The following IL10RB variants were observed in gnomAD, a reference collection of about 807,000 sequenced individuals.
IL10RB encodes interleukin 10 receptor subunit beta.
Under a neutral mutation model 38.7 loss-of-function variants are expected in IL10RB, and 30 were observed. The observed-to-expected ratio is 0.78, with a 90% CI of 0.58 to 1.05. The LOEUF is 1.05. Among genes scored for constraint, IL10RB ranks in the 50% least tolerant of loss-of-function variants. IL10RB has a pLI of 0.00. For synonymous variants in IL10RB, 142 were observed against 145.9 expected (o/e 0.97, Z 0.19); for missense variants, 328 against 397.1 (o/e 0.83, Z 1.48).
chr21:33,276,543 A>T, intron 2 of IL10RB, 53 bp from the exon 3 acceptor site: 2 of 1,464,174 alleles, frequency 1.4e-6, no homozygotes, highest in South Asian at 1.1e-5. Flanking sequence ...AGTCAGCCTC[A>T]GGGAGACTGA....
Position 33,296,593 on chromosome 21 carries a change from G to A in IL10RB, c.*236G>A. ...AAAGGCTTTCATGATGTTTTCAGAA[G>A]TTGGCCACTGAGAGTGTAATTTTCA... On this transcript the variant is annotated 3_prime_UTR_variant, in exon 7 of 7. Coordinates refer to ENST00000290200, the MANE Select transcript of IL10RB (RefSeq NM_000628.5). 1 of 658,338 alleles carries A rather than the reference G, an allele frequency of 1.5e-6. No homozygotes were observed. The highest frequency in any genetic ancestry group is 2.1e-5 in the Admixed American group (1 of 48,554). The allele number at this position is 658,338 out of a possible 1,614,324, so 40.8% of individuals were successfully genotyped here.
chr21:33,289,296 G>A (rs1989438144), intron 6 of IL10RB, among the ~76,000 whole-genome samples: 1 of 152,210 alleles, frequency 6.6e-6, no homozygotes, highest in South Asian at 2.1e-4. Context: ...TGGATCTACT[G>A]GAAGCAGCTC....
intron 5 of IL10RB, among the ~76,000 whole-genome samples, chr21:33,284,440 T>C (rs1238011568): frequency 6.6e-6 from 1 of 152,228 alleles, no homozygotes; most frequent in Non-Finnish European, 1.5e-5. Context: ...ACCATTTTCA[T>C]TTTTTCTTAA....
chr21:33,285,355 C>T (rs1989353667), intron 5 of IL10RB, among the ~76,000 whole-genome samples: 1 of 152,178 alleles, frequency 6.6e-6, no homozygotes, highest in Non-Finnish European at 1.5e-5. Flanking sequence ...TAGATTAATT[C>T]CATAGGTAAA....
chr21:33,288,049 G>A, intron 5 of IL10RB, 55 bp from the exon 6 acceptor site: 2 of 1,533,056 alleles, frequency 1.3e-6, no homozygotes, highest in South Asian at 1.1e-5. Context: ...ATGCTCTTGG[G>A]ATCACTGTGA....
chr21:33,289,117 G>A (rs8178530), intron 6 of IL10RB, among the ~76,000 whole-genome samples: 7,463 of 152,288 alleles, frequency 0.049, 588 homozygotes, highest in African/African-American at 0.17. Flanking sequence ...GAGGCAAGAG[G>A]GATGGGCGTG....
intron 2 of IL10RB, among the ~76,000 whole-genome samples, chr21:33,274,420 C>T (rs561322590): frequency 6.6e-5 from 10 of 152,180 alleles, no homozygotes; most frequent in South Asian, 6.2e-4. Flanking sequence ...GTGATTTGCC[C>T]GCCTTGGCCT....
intron 1 of IL10RB, among the ~76,000 whole-genome samples, chr21:33,302,429 A>T (rs563414897): frequency 2.0e-4 from 31 of 152,222 alleles, no homozygotes; most frequent in Non-Finnish European, 4.0e-4. Flanking sequence ...CTGAATCATC[A>T]TCCATCTCCA....
In IL10RB at chr21:33,296,212, T is replaced by G. The variant is rs781553501; in HGVS notation, c.833T>G (p.Leu278Arg). 6.8e-6 allele frequency: 11 copies of G among 1,614,102 alleles called. No homozygotes were observed. Among genetic ancestry groups the G allele is most frequent in the Non-Finnish European group, 9.3e-6 (11 of 1,179,924 alleles). The change falls in exon 7 of 7, where the codon CTT becomes CGT. Residue 278 changes from leucine (L) to arginine (R), a missense_variant. Physicochemically the swap from Leu to Arg is moderately radical, Grantham distance 102 (BLOSUM62 -2). Transcript: ENST00000290200. The part of the protein sequence containing the change: ...EFLGHPHHNT[L>R]LFFSFPLSDE... ...TTGGGCCATCCTCATCATAACACAC[T>G]TCTGTTTTTCTCCTTTCCATTGTCG...
intron 5 of IL10RB, among the ~76,000 whole-genome samples, chr21:33,287,003 A>T (rs1315039306): frequency 2.0e-5 from 3 of 152,184 alleles, no homozygotes; most frequent in Non-Finnish European, 2.9e-5. Context: ...ACCGGTGTTT[A>T]TCAAGGCTAG....
At chr21:33,299,767 TG>T (rs1408459622), downstream of IL10RB, among the ~76,000 whole-genome samples, 1 of 152,238 alleles carries the variant, frequency 6.6e-6, no homozygotes, top group Non-Finnish European at 1.5e-5. Flanking sequence ...AGCTCCTAGG[TG>T]ATTCCAGTTT....
At chr21:33,300,941 C>T (rs1051125206), downstream of IL10RB, among the ~76,000 whole-genome samples, 5 of 152,302 alleles carry the variant, frequency 3.3e-5, no homozygotes, top group South Asian at 2.1e-4. Flanking sequence ...TTACTTCTGC[C>T]GCAGGAAACT....
In IL10RB at chr21:33,266,419, G is replaced by A; in HGVS notation, c.-47G>A. Reference sequence around the variant, plus strand: ...CGGACAAGCTCTCCCGGGCGCGGGCGGGGGTCGTGTGCTTGGAGGAAGCCG... The same window carrying A: ...CGGACAAGCTCTCCCGGGCGCGGGCAGGGGTCGTGTGCTTGGAGGAAGCCG... On this transcript the variant is annotated 5_prime_UTR_variant, in exon 1 of 7. Transcript: ENST00000290200. 4 of 1,533,974 alleles carry A rather than the reference G, an allele frequency of 2.6e-6. No individual in the cohort carries two copies. Among genetic ancestry groups the A allele is most frequent in the Non-Finnish European group, 2.6e-6 (3 of 1,143,224 alleles).
At chr21:33,271,930 AT>A (rs8178456) in intron 2 of IL10RB, among the ~76,000 whole-genome samples, 7 of 149,082 alleles carry the variant, frequency 4.7e-5, no homozygotes, top group Admixed American at 6.7e-5. Flanking sequence ...TGTCTCTACA[AT>A]TTTTTTTTTT....
chr21:33,267,906 G>T (rs1338784600), intron 1 of IL10RB: 5 of 240,546 alleles, frequency 2.1e-5, no homozygotes, highest in Non-Finnish European at 3.3e-5. Context: ...TCATTCATCT[G>T]GCTGTCTCCC....
At chr21:33,267,968 A>C (rs183826956) in intron 1 of IL10RB, 5 of 315,064 alleles carry the variant, frequency 1.6e-5, no homozygotes, top group Non-Finnish European at 2.5e-5. Context: ...ATGCAGCTCA[A>C]ATGGGACTCG....
chr21:33,279,707 T>A, intron 3 of IL10RB, 45 bp from the exon 4 acceptor site: 1 of 1,572,624 alleles, frequency 6.4e-7, no homozygotes, highest in Non-Finnish European at 8.8e-7. Context: ...TTGAAGTTTT[T>A]AAAATGTGAT....
chr21:33,301,147 T>A (rs2082984915), downstream of IL10RB, among the ~76,000 whole-genome samples: 1 of 152,166 alleles, frequency 6.6e-6, no homozygotes, highest in Non-Finnish European at 1.5e-5. Context: ...TCCTGAACTC[T>A]CTAGTTCAGA....
At chr21:33,279,945 G>A (rs1346227482) in intron 4 of IL10RB, 27 bp downstream of exon 4, 2 of 1,602,228 alleles carry the variant, frequency 1.2e-6, no homozygotes, top group African/African-American at 1.3e-5. Flanking sequence ...GCATTTCAGA[G>A]GTAGTAGGCT....
Sources: gnomAD v4.1 joint callset for allele counts (sites outside exome capture counted in the v4.1 genomes callset) on GRCh38, gnomAD v4.1.1 for gene constraint, MANE v1.5 for transcripts, NCBI Gene and HGNC (gene_info 2026-07-23, HGNC 2026-07-21) for gene names.